DLG2: variants seen among roughly 807,000 people sequenced by gnomAD.
The protein encoded by DLG2 is disks large homolog 2.
Under a neutral mutation model 132.5 loss-of-function variants are expected in DLG2, and 45 were observed. The ratio of observed to expected loss-of-function variants is 0.34; its 90% CI spans 0.27 to 0.44. DLG2 has a LOEUF of 0.44. Ranked by LOEUF, DLG2 falls within the 20% of genes least tolerant of loss-of-function variation. The pLI is 1.00. For missense variants in DLG2, 1,045 were observed against 1,196.9 expected (o/e 0.87, Z 1.87); for synonymous variants, 424 against 419.6 (o/e 1.01, Z -0.13).
At chr11:84,610,355 AT>A (rs527399315) in intron 6 of DLG2, among the ~76,000 whole-genome samples, 3 of 151,882 alleles carry the variant, frequency 2.0e-5, no homozygotes, top group Non-Finnish European at 4.4e-5. Flanking sequence ...TTTTTGCAAG[AT>A]TTTTTTTGCC....
chr11:85,561,753 C>G (rs2077261312), intron 3 of DLG2, among the ~76,000 whole-genome samples: 2 of 151,870 alleles, frequency 1.3e-5, no homozygotes, highest in Admixed American at 1.3e-4. Flanking sequence ...TGGTACAGTT[C>G]TCTCAGATCT....
rs33991615 is a variant in DLG2 at position 85,050,118 on chromosome 11, T to TCACACACACACACACACACA, written c.357+61523_357+61542dup. Among the ~76,000 whole-genome samples the TCACACACACACACACACACA allele has an allele frequency of 2.7e-3, 375 of 136,800 alleles. 2 individuals carry two copies. The highest frequency in any genetic ancestry group is 5.8e-3 in the South Asian group (23 of 3,940). The allele number at this position is 136,800 out of a possible 152,430, so 89.7% of individuals were successfully genotyped here. The stretch of plus-strand genomic sequence containing the variant: ...GGAAGAGAACTGACCCACTGTGTCA[T>TCACACACACACACACACACA]CACACACACACACACACACACACAC... On this transcript the variant is annotated intron_variant, in intron 6 of 27. Transcript: ENST00000376104.
At chr11:84,081,539 T>C (rs1356280009) in intron 10 of DLG2, among the ~76,000 whole-genome samples, 12 of 152,228 alleles carry the variant, frequency 7.9e-5, no homozygotes, top group South Asian at 4.1e-4. Flanking sequence ...AGTGTTCTCA[T>C]TGTTAAATTC....
intron 6 of DLG2, among the ~76,000 whole-genome samples, chr11:84,651,035 T>G (rs1288958092): frequency 6.6e-6 from 1 of 151,662 alleles, no homozygotes; most frequent in Middle Eastern, 3.4e-3. Flanking sequence ...TGCTGTACCT[T>G]TTTTTTTCTG....
intron 6 of DLG2, among the ~76,000 whole-genome samples, chr11:84,783,778 T>G (rs1339979645): frequency 6.6e-6 from 1 of 152,120 alleles, no homozygotes; most frequent in African/African-American, 2.4e-5. Flanking sequence ...GTTTCAGAGT[T>G]TTTCCTCCAT....
At chr11:83,948,508 A>C (rs1002924306) in intron 14 of DLG2, among the ~76,000 whole-genome samples, 4 of 152,156 alleles carry the variant, frequency 2.6e-5, no homozygotes, top group Admixed American at 2.0e-4. Context: ...CAACCACATA[A>C]AACTTTAGTT....
intron 3 of DLG2, among the ~76,000 whole-genome samples, chr11:85,487,540 C>G (rs985551250): frequency 3.4e-5 from 5 of 148,666 alleles, no homozygotes; most frequent in African/African-American, 1.2e-4. Context: ...ACAAAATAAA[C>G]TCAAAAGTTT....
At chr11:85,566,628 TC>T in intron 3 of DLG2, among the ~76,000 whole-genome samples, 1 of 152,196 alleles carries the variant, frequency 6.6e-6, no homozygotes, top group Non-Finnish European at 1.5e-5. Context: ...GTTCCCATGG[TC>T]CCATTCACAA....
chr11:85,597,086 A>G (rs1414910599), intron 3 of DLG2, among the ~76,000 whole-genome samples: 2 of 152,222 alleles, frequency 1.3e-5, no homozygotes, highest in African/African-American at 4.8e-5. Flanking sequence ...ATTGGCGTTA[A>G]GCCAAGATAT....
At chr11:83,959,435 A>C (rs1400526413) in intron 14 of DLG2, among the ~76,000 whole-genome samples, 1 of 152,106 alleles carries the variant, frequency 6.6e-6, no homozygotes, top group Non-Finnish European at 1.5e-5. Flanking sequence ...ATGTTTCCCT[A>C]CTGGCCCAAG....
intron 3 of DLG2, among the ~76,000 whole-genome samples, chr11:85,557,943 C>T (rs2077026367): frequency 6.6e-6 from 1 of 151,710 alleles, no homozygotes; most frequent in African/African-American, 2.4e-5. Flanking sequence ...GCAGCAAAAA[C>T]AAAAATAGAC....
chr11:84,572,076 T>A (rs1046173135), intron 6 of DLG2, among the ~76,000 whole-genome samples: 1 of 151,886 alleles, frequency 6.6e-6, no homozygotes, highest in Non-Finnish European at 1.5e-5. Flanking sequence ...GTAAATTTTA[T>A]TATTATTATA....
chr11:83,472,167 ACT>A (rs1244603990), intron 23 of DLG2, among the ~76,000 whole-genome samples: 1 of 152,034 alleles, frequency 6.6e-6, no homozygotes, highest in African/African-American at 2.4e-5. Flanking sequence ...AGATCAAAAT[ACT>A]CTCTATACTT....
At chr11:85,123,323 A>G (rs2074660554) in intron 5 of DLG2, among the ~76,000 whole-genome samples, 1 of 151,986 alleles carries the variant, frequency 6.6e-6, no homozygotes, top group Non-Finnish European at 1.5e-5. Context: ...GGTGTGGAAA[A>G]TGTATAGGAG....
At chr11:83,893,428 C>A (rs1276883003) in intron 15 of DLG2, among the ~76,000 whole-genome samples, 2 of 152,220 alleles carry the variant, frequency 1.3e-5, no homozygotes, top group Non-Finnish European at 2.9e-5. Flanking sequence ...CCATGCTGGC[C>A]TTCTTCCTGC....
At chr11:84,041,773 G>T (rs1224499606) in intron 11 of DLG2, among the ~76,000 whole-genome samples, 1 of 151,872 alleles carries the variant, frequency 6.6e-6, no homozygotes, top group Non-Finnish European at 1.5e-5. Flanking sequence ...GTTTGGCTAT[G>T]TCCCCACCCA....
chr11:85,399,870 G>T (rs908062059), intron 3 of DLG2, among the ~76,000 whole-genome samples: 2 of 151,990 alleles, frequency 1.3e-5, no homozygotes, highest in African/African-American at 4.8e-5. Context: ...CATAGGCATG[G>T]GCAAGGACTT....
rs527744594 is a variant in DLG2, at chr11:85,341,410, G to T, written c.41-56045C>A. On this transcript the variant is annotated intron_variant, in intron 3 of 27. Transcript: ENST00000376104. ...GCTGGGATTACAGGCATGAGCCACC[G>T]TGCCTAGCTGAAGTATGAAAATTTT... 3.0e-4 allele frequency among the ~76,000 whole-genome samples: 46 copies of T among 152,270 alleles called. 1 individual carries two copies. In the South Asian group the frequency reaches 4.1e-3, roughly 14 times the overall value.
chr11:84,788,346 C>A (rs1044797424), intron 6 of DLG2, among the ~76,000 whole-genome samples: 2 of 152,006 alleles, frequency 1.3e-5, no homozygotes, highest in African/African-American at 4.8e-5. Context: ...TTACTTGGAA[C>A]ACAACAGGTG....
Sources: gnomAD v4.1 joint callset for allele counts (sites outside exome capture counted in the v4.1 genomes callset) on GRCh38, gnomAD v4.1.1 for gene constraint, MANE v1.5 for transcripts, NCBI Gene and HGNC (gene_info 2026-07-23, HGNC 2026-07-21) for gene names.